The following GRIA1 variants were observed in gnomAD, a reference collection of about 807,000 sequenced individuals.
GRIA1 encodes the protein glutamate ionotropic receptor AMPA type subunit 1.
GRIA1 carries 31 observed loss-of-function variants against 99.2 expected under a neutral mutation model. That is an observed-to-expected ratio of 0.31 (90% confidence interval 0.23 to 0.42). GRIA1 has a LOEUF of 0.42. Ranked by LOEUF, GRIA1 falls within the 10% of genes least tolerant of loss-of-function variation. GRIA1 has a pLI of 1.00. For synonymous variants in GRIA1, 438 were observed against 432.4 expected, an observed-to-expected ratio of 1.01 and a Z score of -0.16; for missense variants, 782 against 1,157.5, an observed-to-expected ratio of 0.68 and a Z score of 4.71.
chr5:153,718,069 GT>G (rs1411623472), intron 11 of GRIA1, among the ~76,000 whole-genome samples: 1 of 144,626 alleles, frequency 6.9e-6, no homozygotes, highest in Non-Finnish European at 1.5e-5. Flanking sequence ...TCACTCCGAT[GT>G]TTTAAATTGA....
chr5:153,500,343 C>T (rs576771813), intron 2 of GRIA1, among the ~76,000 whole-genome samples: 1 of 152,120 alleles, frequency 6.6e-6, no homozygotes, highest in Admixed American at 6.6e-5. Flanking sequence ...GTCACTGCCC[C>T]ACTCCATACC....
intron 8 of GRIA1, among the ~76,000 whole-genome samples, chr5:153,697,486 A>G (rs1489994636): frequency 1.3e-5 from 2 of 152,232 alleles, no homozygotes; most frequent in Non-Finnish European, 2.9e-5. Flanking sequence ...AGACACTCCT[A>G]TATATTCAAT....
intron 2 of GRIA1, among the ~76,000 whole-genome samples, chr5:153,544,256 G>C (rs1179622482): frequency 6.6e-6 from 1 of 152,158 alleles, no homozygotes; most frequent in Non-Finnish European, 1.5e-5. Flanking sequence ...GTCTCTGAAG[G>C]CTCAGTCAAG....
At chr5:153,655,234 T>C (rs968341974) in intron 4 of GRIA1, among the ~76,000 whole-genome samples, 2 of 152,178 alleles carry the variant, frequency 1.3e-5, no homozygotes, top group African/African-American at 4.8e-5. Context: ...CATTAATGTC[T>C]GAGTACCTAA....
At chr5:153,754,020 A>G (rs557933433) in intron 11 of GRIA1, among the ~76,000 whole-genome samples, 2 of 152,338 alleles carry the variant, frequency 1.3e-5, no homozygotes, top group East Asian at 3.9e-4. Context: ...GGTTTCTCAC[A>G]GTGAAGGAGG....
At chr5:153,542,340 T>C (rs1759203408) in intron 2 of GRIA1, among the ~76,000 whole-genome samples, 1 of 152,150 alleles carries the variant, frequency 6.6e-6, no homozygotes, top group South Asian at 2.1e-4. Context: ...TCTTTTCCTG[T>C]TAATTACTGA....
chr5:153,802,984 A>G (rs2149673616), intron 15 of GRIA1, among the ~76,000 whole-genome samples: 1 of 152,318 alleles, frequency 6.6e-6, no homozygotes, highest in African/African-American at 2.4e-5. Context: ...CAGATTAGTG[A>G]GATGACCCCA....
chr5:153,582,031 C>G (rs1177874534), intron 2 of GRIA1, among the ~76,000 whole-genome samples: 1 of 152,148 alleles, frequency 6.6e-6, no homozygotes, highest in African/African-American at 2.4e-5. Flanking sequence ...GTGCTGGGAT[C>G]ACAGGCGTAA....
At chr5:153,806,390 C>T (rs1043692388) in intron 15 of GRIA1, among the ~76,000 whole-genome samples, 5 of 152,242 alleles carry the variant, frequency 3.3e-5, no homozygotes, top group South Asian at 2.1e-4. Flanking sequence ...CTCAGCCTCC[C>T]GAGTAGCTGG....
intron 7 of GRIA1, among the ~76,000 whole-genome samples, chr5:153,684,922 G>T (rs545260725): frequency 6.1e-4 from 93 of 152,188 alleles, no homozygotes; most frequent in African/African-American, 2.2e-3. Flanking sequence ...AAACCAGAAG[G>T]TGACAAGAGG....
intron 11 of GRIA1, among the ~76,000 whole-genome samples, chr5:153,711,668 T>C (rs1268741235): frequency 3.9e-5 from 6 of 152,172 alleles, no homozygotes; most frequent in Non-Finnish European, 8.8e-5. Flanking sequence ...AATGCTACCC[T>C]ACTGTGTAGT....
intron 11 of GRIA1, among the ~76,000 whole-genome samples, chr5:153,740,273 C>G (rs781568810): frequency 2.6e-5 from 4 of 152,166 alleles, no homozygotes; most frequent in African/African-American, 4.8e-5. Context: ...AGAACAGCTT[C>G]AACAACAGGT....
chr5:153,765,861 A>G (rs1328389566), intron 12 of GRIA1, among the ~76,000 whole-genome samples: 5 of 152,236 alleles, frequency 3.3e-5, no homozygotes, highest in Non-Finnish European at 5.9e-5. Context: ...GAGTTAGGAT[A>G]GGTCCCCATT....
intron 2 of GRIA1, among the ~76,000 whole-genome samples, chr5:153,512,369 C>T (rs1159418898): frequency 6.6e-6 from 1 of 152,136 alleles, no homozygotes; most frequent in African/African-American, 2.4e-5. Flanking sequence ...AAAGCCTTTC[C>T]AGTAAGGAAT....
chr5:153,730,970 G>A (rs1441188029), intron 11 of GRIA1, among the ~76,000 whole-genome samples: 1 of 152,048 alleles, frequency 6.6e-6, no homozygotes, highest in Non-Finnish European at 1.5e-5. Context: ...ATAGGACTTT[G>A]TCAGTCATGA....
chr5:153,730,650 A>G (rs1378804270), intron 11 of GRIA1, among the ~76,000 whole-genome samples: 1 of 152,150 alleles, frequency 6.6e-6, no homozygotes, highest in Non-Finnish European at 1.5e-5. Context: ...GTGCTCAATA[A>G]AAGAATGGTG....
intron 2 of GRIA1, among the ~76,000 whole-genome samples, chr5:153,593,785 T>A (rs1459701466): frequency 1.3e-5 from 2 of 152,190 alleles, no homozygotes; most frequent in African/African-American, 4.8e-5. Flanking sequence ...AGGAGAGCTA[T>A]CTTCCTGGGA....
chr5:153,600,158 G>A (rs1764789055), intron 2 of GRIA1, among the ~76,000 whole-genome samples: 2 of 152,050 alleles, frequency 1.3e-5, no homozygotes, highest in Admixed American at 6.5e-5. Flanking sequence ...TTCGGAGGCC[G>A]AGGCGGGTGG....
At chr5:153,563,424 T>G (rs1245501936) in intron 2 of GRIA1, among the ~76,000 whole-genome samples, 1 of 152,198 alleles carries the variant, frequency 6.6e-6, no homozygotes, top group Non-Finnish European at 1.5e-5. Context: ...TTTCTTTTCT[T>G]CCTTTTTTAC....
Sources: allele counts gnomAD v4.1 joint callset (sites outside exome capture counted in the v4.1 genomes callset), GRCh38; gene constraint gnomAD v4.1.1; transcripts MANE v1.5; gene names NCBI Gene and HGNC (gene_info 2026-07-23, HGNC 2026-07-21).